Variants in RPRD2 observed in about 807,000 individuals in gnomAD.
The protein encoded by RPRD2 is regulation of nuclear pre-mRNA domain-containing protein 2.
In RPRD2, 12 loss-of-function variants were observed where a neutral mutation model predicts 104.4. The observed-to-expected ratio is 0.11, with a 90% CI of 0.07 to 0.19. The LOEUF is 0.19. Ranked by LOEUF, RPRD2 falls within the 10% of genes least tolerant of loss-of-function variation. RPRD2 has a pLI of 1.00. For missense variants in RPRD2, 1,543 were observed against 1,790.1 expected, an observed-to-expected ratio of 0.86 and a Z score of 2.49; for synonymous variants, 714 against 684.9, an observed-to-expected ratio of 1.04 and a Z score of -0.66.
chr1:150,364,612 C>T lies in RPRD2; in HGVS notation c.-103C>T, dbSNP rs1417065573. 1.6e-6 allele frequency: 1 copy of T among 642,086 alleles called. No homozygotes were observed. Among genetic ancestry groups the T allele is most frequent in the Non-Finnish European group, 2.7e-6 (1 of 371,396 alleles). The allele number at this position is 642,086 out of a possible 1,614,324, so 39.8% of individuals were successfully genotyped here. A position where few individuals can be genotyped will look rare whatever the true frequency, so the allele number is the denominator to read the frequency against. On this transcript the variant is annotated 5_prime_UTR_variant, in exon 1 of 11. Coordinates refer to ENST00000369068, the MANE Select transcript of RPRD2 (RefSeq NM_015203.5). The stretch of plus-strand genomic sequence containing the variant: ...ATCCCCACCCCCTAGCTTCCCTCCC[C>T]ACCTACGGCTTTCACGCACTCGCAG...
intron 2 of RPRD2, among the ~76,000 whole-genome samples, chr1:150,425,713 G>T (rs1421250570): frequency 6.6e-6 from 1 of 151,832 alleles, no homozygotes. Flanking sequence ...TCAAATATAT[G>T]ATATAATTAG....
At chr1:150,419,743 C>T (rs990583140) in intron 2 of RPRD2, among the ~76,000 whole-genome samples, 2 of 152,178 alleles carry the variant, frequency 1.3e-5, no homozygotes, top group Non-Finnish European at 2.9e-5. Flanking sequence ...AATTCTCCTG[C>T]CTCAGCCTCC....
intron 2 of RPRD2, among the ~76,000 whole-genome samples, chr1:150,423,419 A>T (rs1664899786): frequency 6.6e-6 from 1 of 152,172 alleles, no homozygotes; most frequent in Non-Finnish European, 1.5e-5. Flanking sequence ...TCCTGTCCCT[A>T]TCCCAGGTTT....
intron 7 of RPRD2, among the ~76,000 whole-genome samples, chr1:150,447,695 T>C (rs1666878312): frequency 1.3e-5 from 2 of 152,348 alleles, no homozygotes; most frequent in East Asian, 1.9e-4. Flanking sequence ...ATGTGTCTAA[T>C]GACCTCTGAA....
In RPRD2 at chr1:150,473,077, G is replaced by A. The variant is rs908882968; in HGVS notation, c.4129G>A (p.Glu1377Lys). The A allele has an allele frequency of 2.5e-6, 4 of 1,613,858 alleles. No homozygotes were observed. The highest frequency in any genetic ancestry group is 3.4e-6 in the Non-Finnish European group (4 of 1,179,896). The change falls in exon 11 of 11, where the codon GAA becomes AAA. Residue 1377 changes from glutamate to lysine, a missense_variant. Coordinates refer to ENST00000369068, the MANE Select transcript of RPRD2 (RefSeq NM_015203.5). The part of the protein sequence containing the change: ...ESLTLPSHSL[E>K]HLGPPHGGGG... Reference sequence around the variant, plus strand: ...CCTCACCCTACCCTCCCATTCTCTGGAACACCTGGGCCCACCCCATGGAGG... The same window carrying A: ...CCTCACCCTACCCTCCCATTCTCTGAAACACCTGGGCCCACCCCATGGAGG...
At chr1:150,380,018 C>G (rs834234) in intron 1 of RPRD2, among the ~76,000 whole-genome samples, 83,907 of 152,076 alleles carry the variant, frequency 0.55, 23,925 homozygotes, top group Non-Finnish European at 0.62. Flanking sequence ...ATTGCCCGAT[C>G]GTCTCTAGGC....
Position 150,364,550 on chromosome 1 carries a change from C to A in RPRD2, c.-165C>A. Reference sequence around the variant, plus strand: ...GCCAGCGTGCCCAGCAGCTGGTGTTCCCGTCCGTACCTCCAGAAGAGCCCA... The same window carrying A: ...GCCAGCGTGCCCAGCAGCTGGTGTTACCGTCCGTACCTCCAGAAGAGCCCA... On this transcript the variant is annotated 5_prime_UTR_variant, in exon 1 of 11. Coordinates refer to ENST00000369068, the MANE Select transcript of RPRD2 (RefSeq NM_015203.5). 1.8e-6 allele frequency: 1 copy of A among 568,030 alleles called. No homozygotes were observed. The highest frequency in any genetic ancestry group is 2.3e-5 in the South Asian group (1 of 44,134). 35.2% of individuals were successfully genotyped at this position (568,030 alleles called of 1,614,324 possible).
chr1:150,419,283 G>A (rs1252200906), intron 2 of RPRD2, among the ~76,000 whole-genome samples: 1 of 152,098 alleles, frequency 6.6e-6, no homozygotes, highest in Non-Finnish European at 1.5e-5. Flanking sequence ...AACCATAATA[G>A]CTAAATGCTT....
At chr1:150,448,065 C>A (rs6662108) in intron 7 of RPRD2, among the ~76,000 whole-genome samples, 47,432 of 152,080 alleles carry the variant, frequency 0.31, 8,452 homozygotes, top group Non-Finnish European at 0.4. Context: ...ACACTAGACT[C>A]CCTACTTCGT....
At chr1:150,383,161 C>G (rs76405375) in intron 1 of RPRD2, among the ~76,000 whole-genome samples, 1 of 150,984 alleles carries the variant, frequency 6.6e-6, no homozygotes, top group Non-Finnish European at 1.5e-5. Flanking sequence ...GGTCAGCTAA[C>G]TATTAAAATT....
intron 1 of RPRD2, among the ~76,000 whole-genome samples, chr1:150,385,370 G>A (rs1293091461): frequency 6.6e-6 from 1 of 152,008 alleles, no homozygotes; most frequent in African/African-American, 2.4e-5. Context: ...CCAAGTACTC[G>A]GGAGGCTGAG....
chr1:150,473,147 G>T lies in RPRD2; in HGVS notation c.4199G>T (p.Gly1400Val). 1 of 1,613,970 alleles carries T rather than the reference G, an allele frequency of 6.2e-7. No individual in the cohort carries two copies. The highest frequency in any genetic ancestry group is 1.7e-5 in the Admixed American group (1 of 60,022). Residue 1400 changes from glycine to valine, a missense_variant, in exon 11 of 11, where the codon GGT becomes GTT. This residue lies in a region of RPRD2 where 880 missense variants were observed against 885.6 expected (regional missense o/e 0.99). Transcript: ENST00000369068. Reference sequence around the variant, plus strand: ...AACAGCAGCAGTGGCCCCCCCTTGGGTCCCTCACACAGAGACACCATCAGC... The same window carrying T: ...AACAGCAGCAGTGGCCCCCCCTTGGTTCCCTCACACAGAGACACCATCAGC... ...GSNSSSGPPL[G>V]PSHRDTISRS... is the part of the protein sequence containing the mutation.
intron 1 of RPRD2, among the ~76,000 whole-genome samples, chr1:150,401,126 G>A (rs587708168): frequency 2.6e-5 from 4 of 152,118 alleles, no homozygotes; most frequent in South Asian, 2.1e-4. Context: ...GCAGTGAGCC[G>A]AGATCACGCC....
intron 6 of RPRD2, among the ~76,000 whole-genome samples, chr1:150,445,794 C>T (rs781786347): frequency 1.3e-5 from 2 of 152,108 alleles, no homozygotes; most frequent in Non-Finnish European, 2.9e-5. Context: ...TGAGGCCGGG[C>T]ACGGTGGCTC....
intron 1 of RPRD2, among the ~76,000 whole-genome samples, chr1:150,413,793 C>T (rs1348784376): frequency 3.3e-5 from 5 of 150,684 alleles, no homozygotes; most frequent in Admixed American, 2.0e-4. Context: ...GGCATGGTGA[C>T]GCATGCCTGT....
At chr1:150,470,270 T>C (rs1159740210) in intron 10 of RPRD2, among the ~76,000 whole-genome samples, 1 of 152,136 alleles carries the variant, frequency 6.6e-6, no homozygotes, top group African/African-American at 2.4e-5. Flanking sequence ...AAACTATGAA[T>C]GATTCTGACA....
chr1:150,427,876 C>T (rs998277921), intron 2 of RPRD2, among the ~76,000 whole-genome samples: 5 of 152,112 alleles, frequency 3.3e-5, no homozygotes, highest in Non-Finnish European at 7.4e-5. Flanking sequence ...TGATTTCCTA[C>T]ACTGTACACA....
Position 150,364,598 on chromosome 1 carries a change from C to T in RPRD2, c.-117C>T. The stretch of plus-strand genomic sequence containing the variant: ...CCAGCGCGTGCACCATCCCCACCCC[C>T]TAGCTTCCCTCCCCACCTACGGCTT... On this transcript the variant is annotated 5_prime_UTR_variant, in exon 1 of 11. Coordinates refer to ENST00000369068, the MANE Select transcript of RPRD2 (RefSeq NM_015203.5). The T allele has an allele frequency of 1.6e-6, 1 of 621,230 alleles. No homozygotes were observed. Among genetic ancestry groups the T allele is most frequent in the Non-Finnish European group, 2.8e-6 (1 of 356,668 alleles). 38.5% of individuals were successfully genotyped at this position (621,230 alleles called of 1,614,324 possible). A position where few individuals can be genotyped will look rare whatever the true frequency, so the allele number is the denominator to read the frequency against.
At chr1:150,370,241 G>C (rs1553878095) in intron 1 of RPRD2, among the ~76,000 whole-genome samples, 2 of 152,082 alleles carry the variant, frequency 1.3e-5, no homozygotes, top group African/African-American at 4.8e-5. Context: ...GGTAAAATGG[G>C]AATCAATATG....
Sources: gnomAD v4.1 joint callset for allele counts (sites outside exome capture counted in the v4.1 genomes callset) on GRCh38, gnomAD v4.1.1 for gene constraint, gnomAD v4.1.1 regional missense constraint, MANE v1.5 for transcripts, NCBI Gene and HGNC (gene_info 2026-07-23, HGNC 2026-07-21) for gene names.